The following MID2 variants were observed in gnomAD, a reference collection of about 807,000 sequenced individuals.
MID2 encodes probable E3 ubiquitin-protein ligase MID2.
Under a neutral mutation model 46.1 loss-of-function variants are expected in MID2, and 13 were observed. The observed-to-expected ratio is 0.28, with a 90% CI of 0.18 to 0.45. The LOEUF (loss-of-function observed/expected upper bound fraction) is 0.45, where lower values mean the gene tolerates loss of function less well. Among genes scored for constraint, MID2 ranks in the 20% least tolerant of loss-of-function variants. The probability of loss-of-function intolerance (pLI) is 1.00; values close to 1 mark genes in which losing one functional copy is unlikely to be tolerated. For missense variants in MID2, 431 were observed against 575.4 expected, an observed-to-expected ratio of 0.75 and a Z score of 2.57; for synonymous variants, 199 against 212.3, an observed-to-expected ratio of 0.94 and a Z score of 0.55.
intron 2 of MID2, among the ~76,000 whole-genome samples, chrX:107,842,283 A>T (rs1455803075): frequency 2.7e-5 from 3 of 112,471 alleles, no homozygotes; most frequent in African/African-American, 9.7e-5. Flanking sequence ...GCCCATAAAA[A>T]GTCCTCCTAC....
rs1047153039 is a variant in MID2, at chrX:107,931,096, C to T, written c.*4023C>T. Among the ~76,000 whole-genome samples the T allele has an allele frequency of 4.5e-5, 5 of 112,157 alleles. No individual in the cohort carries two copies. Among genetic ancestry groups the T allele is most frequent in the African/African-American group, 1.3e-4 (4 of 30,903 alleles). ...AGCAAAATCACTTATCTGTTCTTTT[C>T]GGCTAAAACACTCTAGGTGAATTTT... On this transcript the variant is annotated 3_prime_UTR_variant, in exon 10 of 10. Coordinates refer to ENST00000262843, the MANE Select transcript of MID2 (RefSeq NM_012216.4).
intron 2 of MID2, among the ~76,000 whole-genome samples, chrX:107,848,077 G>A (rs1931530426): frequency 9.0e-6 from 1 of 111,674 alleles, no homozygotes; most frequent in Non-Finnish European, 1.9e-5. Context: ...GTGGCTGAAA[G>A]ATTGGGTCTG....
At chrX:107,849,652 G>C (rs1931566900) in intron 2 of MID2, among the ~76,000 whole-genome samples, 1 of 111,943 alleles carries the variant, frequency 8.9e-6, no homozygotes, top group African/African-American at 3.2e-5. Flanking sequence ...AATAAAACTT[G>C]GGTAAAAATG....
At chrX:107,838,424 C>G (rs1486033094) in intron 1 of MID2, among the ~76,000 whole-genome samples, 1 of 111,905 alleles carries the variant, frequency 8.9e-6, no homozygotes, top group East Asian at 2.8e-4. Flanking sequence ...TTATAAGCTA[C>G]AAAATACTGG....
intron 1 of MID2, among the ~76,000 whole-genome samples, chrX:107,838,425 A>T (rs1931255986): frequency 1.8e-5 from 2 of 112,266 alleles, no homozygotes; most frequent in Non-Finnish European, 3.8e-5. Context: ...TATAAGCTAC[A>T]AAATACTGGC....
chrX:107,848,129 T>A (rs1931531964), intron 2 of MID2, among the ~76,000 whole-genome samples: 1 of 111,136 alleles, frequency 9.0e-6, no homozygotes, highest in African/African-American at 3.3e-5. Context: ...GGTAGAGCCA[T>A]GCAGTAGTGA....
At chrX:107,870,314 G>T (rs958816851) in intron 3 of MID2, among the ~76,000 whole-genome samples, 3 of 109,284 alleles carry the variant, frequency 2.7e-5, no homozygotes, top group African/African-American at 1.0e-4. Context: ...TTCTGATATT[G>T]TGGAATTATA....
chrX:107,864,498 A>T (rs746340123), intron 3 of MID2, among the ~76,000 whole-genome samples: 1 of 111,278 alleles, frequency 9.0e-6, no homozygotes, highest in South Asian at 3.8e-4. Flanking sequence ...TCAGCCATAG[A>T]GTTTACGCTG....
chrX:107,878,853 C>T (rs892156187), intron 3 of MID2, among the ~76,000 whole-genome samples: 14 of 112,412 alleles, frequency 1.2e-4, no homozygotes, highest in South Asian at 3.7e-4. Flanking sequence ...ACCCTTCTGA[C>T]GTATCCCAGA....
At chrX:107,920,710 A>G (rs770871835) in intron 7 of MID2, among the ~76,000 whole-genome samples, 66 of 112,191 alleles carry the variant, frequency 5.9e-4, no homozygotes, top group African/African-American at 1.8e-3. Context: ...AGGATCATAT[A>G]TTTACCTTTT....
intron 1 of MID2, among the ~76,000 whole-genome samples, chrX:107,832,833 C>T (rs1931120244): frequency 8.9e-6 from 1 of 111,962 alleles, no homozygotes; most frequent in South Asian, 3.7e-4. Flanking sequence ...GCATTGGTTG[C>T]CTTTTGTGTT....
chrX:107,845,492 AAC>A (rs1177184448), intron 2 of MID2, among the ~76,000 whole-genome samples: 311 of 86,134 alleles, frequency 3.6e-3, no homozygotes, highest in Middle Eastern at 0.029. Context: ...ATGGGAAAGT[AAC>A]ACACACACAC....
chrX:107,850,899 G>T (rs1931596644), intron 2 of MID2, among the ~76,000 whole-genome samples: 1 of 111,936 alleles, frequency 8.9e-6, no homozygotes, highest in African/African-American at 3.2e-5. Flanking sequence ...TGTGATCAGT[G>T]TTGCAACAGG....
intron 7 of MID2, among the ~76,000 whole-genome samples, chrX:107,921,859 C>G (rs140910185): frequency 0.019 from 2,123 of 111,087 alleles, 59 homozygotes; most frequent in African/African-American, 0.066. Context: ...TCTGGCATAA[C>G]AAAATGTTCT....
rs1338711224 is a variant in MID2, at chrX:107,826,857, C to T, written c.4+427C>T. On this transcript the variant is annotated intron_variant, in intron 1 of 9. Coordinates refer to ENST00000262843, the MANE Select transcript of MID2 (RefSeq NM_012216.4). ...GGCCCAGGCGTCGCCCCTTGGCCGG[C>T]CGTCTGCCGGGCGGTGCTGTCGCAG... is the stretch of plus-strand genomic sequence containing the variant. Among the ~76,000 whole-genome samples, 4 of 113,610 alleles carry T rather than the reference C, an allele frequency of 3.5e-5. No individual in the cohort carries two copies. The East Asian group carries it at 1.1e-3, about 32-fold the overall frequency.
In MID2 at chrX:107,927,976, T is replaced by C. The variant is rs1380702922; in HGVS notation, c.*903T>C. On this transcript the variant is annotated 3_prime_UTR_variant, in exon 10 of 10. Transcript: ENST00000262843. ...GAGATGCTGTTGCTGGATAGAAAAT[T>C]GATCAGGTAGAAGTGATGCTACCTA... Among the ~76,000 whole-genome samples the C allele has an allele frequency of 9.0e-6, 1 of 111,380 alleles. No individual in the cohort carries two copies. Among genetic ancestry groups the C allele is most frequent in the Non-Finnish European group, 1.9e-5 (1 of 53,006 alleles).
At chrX:107,884,929 G>A (rs1003088430) in intron 3 of MID2, among the ~76,000 whole-genome samples, 2 of 111,516 alleles carry the variant, frequency 1.8e-5, no homozygotes, top group African/African-American at 6.5e-5. Context: ...ATATCTGAAA[G>A]CACTTTCTAG....
rs190718279 is a variant in MID2, at chrX:107,859,750, G to T, written c.816+5046G>T. On this transcript the variant is annotated intron_variant, in intron 3 of 9. Coordinates refer to ENST00000262843, the MANE Select transcript of MID2 (RefSeq NM_012216.4). Reference sequence around the variant, plus strand: ...TATCTTGAAATAAGAGTAGAATTTTGCCAATAAAAATGAGATAAGGGAGTG... The same window carrying T: ...TATCTTGAAATAAGAGTAGAATTTTTCCAATAAAAATGAGATAAGGGAGTG... Among the ~76,000 whole-genome samples the T allele has an allele frequency of 5.3e-3, 596 of 112,409 alleles. 4 individuals carry two copies. Among genetic ancestry groups the T allele is most frequent in the Non-Finnish European group, 8.4e-3 (448 of 53,209 alleles).
intron 1 of MID2, among the ~76,000 whole-genome samples, chrX:107,827,293 G>A (rs1930977926): frequency 9.0e-6 from 1 of 110,800 alleles, no homozygotes; most frequent in Non-Finnish European, 1.9e-5. Flanking sequence ...CCGTTTTCAG[G>A]ATCACTCACC....
Sources: gnomAD v4.1 joint callset for allele counts (sites outside exome capture counted in the v4.1 genomes callset) on GRCh38, gnomAD v4.1.1 for gene constraint, MANE v1.5 for transcripts, NCBI Gene and HGNC (gene_info 2026-07-23, HGNC 2026-07-21) for gene names.